ABCC9: variants seen among roughly 807,000 people sequenced by gnomAD.
ABCC9 encodes the protein ATP-binding cassette sub-family C member 9.
In ABCC9, 95 loss-of-function variants were observed where a neutral mutation model predicts 188.3. The observed-to-expected ratio is 0.50, with a 90% CI of 0.43 to 0.60. ABCC9 has a LOEUF of 0.60. Ranked by LOEUF, ABCC9 falls within the 20% of genes least tolerant of loss-of-function variation. The pLI, the probability that ABCC9 is intolerant of heterozygous loss-of-function variation, is 0.00. For missense variants in ABCC9, 1,102 were observed against 1,876.3 expected (o/e 0.59, Z 7.62); for synonymous variants, 659 against 652.7 (o/e 1.01, Z -0.15).
chr12:21,915,514 A>ATATATTTTTTTTTT lies in ABCC9; in HGVS notation c.816+153_816+154insAAAAAAAAAATATA. Among the ~76,000 whole-genome samples, 8 of 3,522 alleles carry ATATATTTTTTTTTT rather than the reference A, an allele frequency of 2.3e-3. 1 individual carries two copies. The highest frequency in any genetic ancestry group is 8.7e-3 in the African/African-American group (8 of 924). The allele number at this position is 3,522 out of a possible 152,430, so 2.3% of individuals were successfully genotyped here. ...TGTGTGTGTGTGTATATATATATAT[A>ATATATTTTTTTTTT]TTTTTTTTTTTTTTTTGAGACAGAG... On this transcript the variant is annotated intron_variant, in intron 7 of 39. Coordinates refer to ENST00000261200, the MANE Select transcript of ABCC9 (RefSeq NM_020297.4).
chr12:21,842,116 G>A (rs1944422304), intron 29 of ABCC9, among the ~76,000 whole-genome samples, 198 bp downstream of exon 29: 1 of 152,102 alleles, frequency 6.6e-6, no homozygotes, highest in South Asian at 2.1e-4. Flanking sequence ...TAATTCAATG[G>A]CAACACATCA....
intron 15 of ABCC9, among the ~76,000 whole-genome samples, chr12:21,884,509 G>A (rs1279307349): frequency 4.6e-5 from 7 of 152,080 alleles, no homozygotes; most frequent in Admixed American, 2.6e-4. Context: ...TTATTTTTTG[G>A]CCTGGAACTG....
intron 11 of ABCC9, among the ~76,000 whole-genome samples, chr12:21,907,387 G>A (rs1948095758): frequency 6.6e-6 from 1 of 151,992 alleles, no homozygotes; most frequent in Non-Finnish European, 1.5e-5. Flanking sequence ...CCTGTCAGTG[G>A]CAGCATCTTC....
chr12:21,892,441 A>G (rs540537106), intron 14 of ABCC9, among the ~76,000 whole-genome samples: 101 of 152,352 alleles, frequency 6.6e-4, no homozygotes, highest in African/African-American at 2.4e-3. Context: ...AATGAAAATA[A>G]GGACCAAAAT....
chr12:21,837,405 A>G (rs1227378743), intron 30 of ABCC9, among the ~76,000 whole-genome samples: 2 of 152,204 alleles, frequency 1.3e-5, no homozygotes, highest in African/African-American at 2.4e-5. Flanking sequence ...TAAAATCTAT[A>G]TATACTTGCG....
chr12:21,846,438 A>T (rs933041528), intron 25 of ABCC9, among the ~76,000 whole-genome samples: 8 of 152,164 alleles, frequency 5.3e-5, no homozygotes, highest in African/African-American at 1.9e-4. Flanking sequence ...TCAAAATTTG[A>T]TCATTTCTAT....
chr12:21,871,178 A>T (rs560676480), intron 18 of ABCC9, among the ~76,000 whole-genome samples: 1 of 152,294 alleles, frequency 6.6e-6, no homozygotes, highest in Admixed American at 6.5e-5. Flanking sequence ...ATCCAGTGGG[A>T]TCTACTTCTT....
chr12:21,805,191 C>A (rs1404701936), intron 39 of ABCC9: 1 of 1,613,908 alleles, frequency 6.2e-7, no homozygotes, highest in Non-Finnish European at 8.5e-7. Context: ...TTGGTCATCA[C>A]CAAAGTGGAA....
chr12:21,809,936 A>G lies in ABCC9; in HGVS notation c.4231T>C (p.Cys1411Arg), dbSNP rs17846782. 9.3e-6 allele frequency: 15 copies of G among 1,610,794 alleles called. No individual in the cohort carries two copies. The East Asian group carries it at 3.3e-4, about 36-fold the overall frequency. The change falls in exon 37 of 40, where the codon TGC (cysteine) becomes CGC (arginine). Residue 1411 changes from cysteine (C) to arginine (R), a missense_variant. Physicochemically the swap from Cys to Arg is radical, Grantham distance 180. This residue lies in a region of ABCC9 where 67 missense variants were observed against 101.0 expected (regional missense o/e 0.66). Coordinates refer to ENST00000261200, the MANE Select transcript of ABCC9 (RefSeq NM_020297.4). ...CAGAGTCTGTCATCTGTGCATTTGC[A>G]CTCTGGATCTAAATTAAATCTGTAG... is the stretch of plus-strand genomic sequence containing the variant. ...GSIRFNLDPE[C>R]KCTDDRLWEA... is the part of the protein sequence containing the mutation.
At chr12:21,865,175 GA>G (rs1945720174) in intron 18 of ABCC9, among the ~76,000 whole-genome samples, 1 of 151,982 alleles carries the variant, frequency 6.6e-6, no homozygotes, top group African/African-American at 2.4e-5. Context: ...TTACAGACGT[GA>G]ATTCAATAAC....
intron 5 of ABCC9, chr12:21,925,381 C>T (rs1159993398): frequency 1.7e-5 from 10 of 586,180 alleles, no homozygotes; most frequent in South Asian, 8.9e-5. Flanking sequence ...AATGCAGGTG[C>T]GAAAGGCCGT....
At chr12:21,925,726 C>T (rs780994429) in intron 5 of ABCC9, among the ~76,000 whole-genome samples, 2 of 151,982 alleles carry the variant, frequency 1.3e-5, no homozygotes, top group Non-Finnish European at 2.9e-5. Flanking sequence ...AAGAGATGAC[C>T]TGGGGGTAAG....
chr12:21,939,058 G>A (rs547763157), intron 2 of ABCC9, among the ~76,000 whole-genome samples: 9 of 152,308 alleles, frequency 5.9e-5, no homozygotes, highest in East Asian at 5.8e-4. Flanking sequence ...GATTACAGTA[G>A]TCTCAGTAGC....
In ABCC9 at chr12:21,859,663, T is replaced by G. The variant is rs1163615466; in HGVS notation, c.2428A>C (p.Ile810Leu). 6.2e-7 allele frequency: 1 copy of G among 1,613,872 alleles called. No individual in the cohort carries two copies. Among genetic ancestry groups the G allele is most frequent in the Admixed American group, 1.7e-5 (1 of 59,988 alleles). Reference sequence around the variant, plus strand: ...TGCCTCTGTCCCCCACTCAGGTTGATGCCCTAGAGAAGAGACACCCCCAAA... The same window carrying G: ...TGCCTCTGTCCCCCACTCAGGTTGAGGCCCTAGAGAAGAGACACCCCCAAA... ...GDQTEIGERGINLSGGQRQRI... is the reference protein window; with the variant it reads ...GDQTEIGERGLNLSGGQRQRI... Residue 810 changes from isoleucine to leucine, a missense_variant, in exon 22 of 40, where the codon ATC becomes CTC. Transcript: ENST00000261200.
At chr12:21,854,609 G>T (rs1945131201) in intron 22 of ABCC9, among the ~76,000 whole-genome samples, 1 of 152,166 alleles carries the variant, frequency 6.6e-6, no homozygotes, top group Admixed American at 6.5e-5. Context: ...CTGAGATGTT[G>T]CAATAAGTAC....
chr12:21,865,337 C>T (rs1945726854), intron 18 of ABCC9, among the ~76,000 whole-genome samples: 1 of 152,114 alleles, frequency 6.6e-6, no homozygotes, highest in South Asian at 2.1e-4. Context: ...CACTACTGCA[C>T]ACTGCTAATG....
chr12:21,867,354 C>G (rs1945832315), intron 18 of ABCC9, among the ~76,000 whole-genome samples: 1 of 152,066 alleles, frequency 6.6e-6, no homozygotes, highest in South Asian at 2.1e-4. Flanking sequence ...CTACAGCACT[C>G]AAGACAACAG....
intron 30 of ABCC9, 25 bp downstream of exon 30, chr12:21,838,053 C>T: frequency 6.5e-7 from 1 of 1,532,654 alleles, no homozygotes; most frequent in Non-Finnish European, 9.0e-7. Flanking sequence ...GCCTAGTCAG[C>T]TAATATAAAA....
chr12:21,926,405 A>C (rs183385290), intron 4 of ABCC9, among the ~76,000 whole-genome samples: 1 of 152,202 alleles, frequency 6.6e-6, no homozygotes, highest in African/African-American at 2.4e-5. Context: ...CTGAACTCCA[A>C]TGTGTGTGAA....
Sources: gnomAD v4.1 joint callset for allele counts (sites outside exome capture counted in the v4.1 genomes callset) on GRCh38, gnomAD v4.1.1 for gene constraint, gnomAD v4.1.1 regional missense constraint, MANE v1.5 for transcripts, NCBI Gene and HGNC (gene_info 2026-07-23, HGNC 2026-07-21) for gene names.